Variants in EHMT1 observed in about 807,000 individuals in gnomAD.
EHMT1 encodes euchromatic histone lysine methyltransferase 1.
EHMT1 carries 15 observed loss-of-function variants against 147.2 expected under a neutral mutation model. The ratio of observed to expected loss-of-function variants is 0.10; its 90% CI spans 0.07 to 0.16. EHMT1 has a LOEUF of 0.16. Among genes scored for constraint, EHMT1 ranks in the 10% least tolerant of loss-of-function variants. EHMT1 has a pLI of 1.00. For missense variants in EHMT1, 1,587 were observed against 1,772.4 expected (o/e 0.90, Z 1.88); for synonymous variants, 795 against 709.6 (o/e 1.12, Z -1.91).
At chr9:137,759,487 GTC>G in intron 9 of EHMT1, among the ~76,000 whole-genome samples, 1 of 152,354 alleles carries the variant, frequency 6.6e-6, no homozygotes, top group South Asian at 2.1e-4. Context: ...TGCGCCTGCT[GTC>G]TCTGGTGAGG....
intron 25 of EHMT1, among the ~76,000 whole-genome samples, chr9:137,830,498 A>G (rs1229526030): frequency 6.6e-6 from 1 of 152,156 alleles, no homozygotes; most frequent in Non-Finnish European, 1.5e-5. Context: ...TTTTTATCCA[A>G]CTTCTTTGAT....
At chr9:137,794,024 TAAC>T (rs756296570) in intron 16 of EHMT1, among the ~76,000 whole-genome samples, 1 of 152,238 alleles carries the variant, frequency 6.6e-6, no homozygotes, top group Non-Finnish European at 1.5e-5. Flanking sequence ...TATATTACCA[TAAC>T]AACATTTAAA....
intron 1 of EHMT1, among the ~76,000 whole-genome samples, chr9:137,669,341 CCACACCACCCAAGACGCT>C (rs1940156680): frequency 1.3e-4 from 1 of 7,836 alleles, no homozygotes; most frequent in Non-Finnish European, 2.5e-4. Flanking sequence ...CACGTGGACC[CCACACCACCCAAGACGCT>C]CCCACAGCAC....
At chr9:137,619,136 G>T (rs1485279392) in intron 1 of EHMT1, 87 bp downstream of exon 1, 2 of 372,580 alleles carry the variant, frequency 5.4e-6, no homozygotes, top group Non-Finnish European at 7.3e-6. Flanking sequence ...GCGGGGCGGC[G>T]GCAGGCGGCC....
rs1247740430 is a variant in EHMT1, at chr9:137,787,242, T to C, written c.2383-3606T>C. 1 of 152,644 alleles carries C rather than the reference T, an allele frequency of 6.6e-6. No homozygotes were observed. Among genetic ancestry groups the C allele is most frequent in the Non-Finnish European group, 1.5e-5 (1 of 68,370 alleles). The allele number at this position is 152,644 out of a possible 1,614,324, so 9.5% of individuals were successfully genotyped here. On this transcript the variant is annotated intron_variant, in intron 15 of 26. Transcript: ENST00000460843. The surrounding 1 kb of genome is among the most constrained non-coding windows in gnomAD (Gnocchi z 4.2). Reference sequence around the variant, plus strand: ...AAAAATGTTGTAAATTCCTTTACTGTTATCTCCCCCACGCCCCTACCAAGA... The same window carrying C: ...AAAAATGTTGTAAATTCCTTTACTGCTATCTCCCCCACGCCCCTACCAAGA...
chr9:137,824,817 T>G (rs1397048762), intron 25 of EHMT1, among the ~76,000 whole-genome samples: 10 of 152,242 alleles, frequency 6.6e-5, no homozygotes, highest in Admixed American at 4.6e-4. Context: ...AATACTTGAT[T>G]TTTTTGTGCA....
rs199719136 is a variant in EHMT1, at chr9:137,629,093, A to AT, written c.21+10060dup. Among the ~76,000 whole-genome samples, 679 of 129,770 alleles carry AT rather than the reference A, an allele frequency of 5.2e-3. 2 individuals carry two copies. Among genetic ancestry groups the AT allele is most frequent in the African/African-American group, 0.011 (390 of 35,422 alleles). 85.1% of individuals were successfully genotyped at this position (129,770 alleles called of 152,430 possible). ...GTAGGGAATAGTTATTTGCTTTTGT[A>AT]TTTTTTTTTTTTTTTTGAGATGGAG... On this transcript the variant is annotated intron_variant, in intron 1 of 26. Coordinates refer to ENST00000460843, the MANE Select transcript of EHMT1 (RefSeq NM_024757.5).
At chr9:137,826,377 C>G (rs559991403) in intron 25 of EHMT1, among the ~76,000 whole-genome samples, 29 of 152,358 alleles carry the variant, frequency 1.9e-4, no homozygotes, top group African/African-American at 7.0e-4. Context: ...TGGGTCACCC[C>G]GGTCCACTTC....
chr9:137,698,277 A>G (rs942965905), intron 1 of EHMT1, among the ~76,000 whole-genome samples: 1 of 152,258 alleles, frequency 6.6e-6, no homozygotes, highest in Non-Finnish European at 1.5e-5. Context: ...AGGAAAAGAA[A>G]TGATCACTTC....
At chr9:137,724,708 G>A (rs1174546022) in intron 3 of EHMT1, among the ~76,000 whole-genome samples, 1 of 152,202 alleles carries the variant, frequency 6.6e-6, no homozygotes, top group South Asian at 2.1e-4. Flanking sequence ...TCGGTGGTTT[G>A]TAGGTGACAT....
intron 1 of EHMT1, among the ~76,000 whole-genome samples, chr9:137,662,080 G>A (rs1321212946): frequency 4.6e-5 from 7 of 152,184 alleles, no homozygotes; most frequent in Non-Finnish European, 1.0e-4. Context: ...GGGATTACAG[G>A]CATGAGCCAC....
intron 1 of EHMT1, among the ~76,000 whole-genome samples, chr9:137,642,844 T>C (rs528931548): frequency 6.6e-6 from 1 of 152,334 alleles, no homozygotes; most frequent in South Asian, 2.1e-4. Context: ...TTTTATACTT[T>C]ACCTGTGTAG....
intron 1 of EHMT1, among the ~76,000 whole-genome samples, chr9:137,672,015 G>T (rs1455058267): frequency 6.6e-6 from 1 of 152,206 alleles, no homozygotes; most frequent in Non-Finnish European, 1.5e-5. Context: ...ACATGACAGT[G>T]CAGAGACCCC....
At chr9:137,717,677 G>C (rs1945483500) in intron 3 of EHMT1, among the ~76,000 whole-genome samples, 1 of 151,730 alleles carries the variant, frequency 6.6e-6, no homozygotes, top group Non-Finnish European at 1.5e-5. Flanking sequence ...GTGATGCCAG[G>C]TGACGCCTCG....
intron 3 of EHMT1, among the ~76,000 whole-genome samples, chr9:137,721,805 G>A (rs1946084785): frequency 6.6e-6 from 1 of 152,132 alleles, no homozygotes; most frequent in South Asian, 2.1e-4. Flanking sequence ...CAGCTATGTG[G>A]TTTCCAGTAT....
At chr9:137,705,533 G>A (rs1204453806) in intron 1 of EHMT1, among the ~76,000 whole-genome samples, 1 of 152,354 alleles carries the variant, frequency 6.6e-6, no homozygotes, top group South Asian at 2.1e-4. Flanking sequence ...CACCGTCCTG[G>A]TGTGTACTCT....
chr9:137,807,059 G>A (rs964172069), intron 18 of EHMT1, among the ~76,000 whole-genome samples: 7 of 152,196 alleles, frequency 4.6e-5, no homozygotes, highest in African/African-American at 9.6e-5. Context: ...GTGTGTGCAC[G>A]TAGGGTTCAT....
intron 1 of EHMT1, among the ~76,000 whole-genome samples, chr9:137,682,979 T>C (rs1942103328): frequency 1.3e-5 from 2 of 152,262 alleles, no homozygotes; most frequent in Non-Finnish European, 2.9e-5. Context: ...GAAGGGCCTG[T>C]GTGCCCTGGC....
chr9:137,654,512 T>C (rs1007811391), intron 1 of EHMT1, among the ~76,000 whole-genome samples: 11 of 152,224 alleles, frequency 7.2e-5, no homozygotes, highest in African/African-American at 1.9e-4. Context: ...TTGATGACTT[T>C]ACCTTTGTTG....
Sources: allele counts gnomAD v4.1 joint callset (sites outside exome capture counted in the v4.1 genomes callset), GRCh38; gene constraint gnomAD v4.1.1; non-coding constraint Gnocchi (gnomAD v3.1); transcripts MANE v1.5; gene names NCBI Gene and HGNC (gene_info 2026-07-23, HGNC 2026-07-21).